Variants in PREX1 observed in about 807,000 individuals in gnomAD.
PREX1 encodes phosphatidylinositol-3,4,5-trisphosphate dependent Rac exchange factor 1.
A neutral mutation model predicts 198.3 loss-of-function variants in PREX1; 41 were observed. The ratio of observed to expected loss-of-function variants is 0.21; its 90% confidence interval spans 0.16 to 0.27. The LOEUF is 0.27. Ranked by LOEUF, PREX1 falls within the 10% of genes least tolerant of loss-of-function variation. The pLI is 1.00. For synonymous variants in PREX1, 843 were observed against 887.2 expected, an observed-to-expected ratio of 0.95 and a Z score of 0.89; for missense variants, 1,620 against 2,200.7, an observed-to-expected ratio of 0.74 and a Z score of 5.28.
At chr20:48,752,501 A>G (rs527703802) in intron 1 of PREX1, among the ~76,000 whole-genome samples, 1 of 152,300 alleles carries the variant, frequency 6.6e-6, no homozygotes, top group South Asian at 2.1e-4. Flanking sequence ...CCCCGCTCTC[A>G]TGTGCAGGGC....
At chr20:48,874,131 A>G in the PREX1 span, among the ~76,000 whole-genome samples, 21 of 152,324 alleles carry the variant, frequency 1.4e-4, no homozygotes, top group African/African-American at 4.8e-4. Flanking sequence ...TAATTATTAT[A>G]TGGACTCTAC....
rs542758803 is a variant in PREX1, at chr20:48,625,707, C to T, written c.*178G>A. 2.7e-6 allele frequency: 2 copies of T among 737,870 alleles called. No homozygotes were observed. The highest frequency in any genetic ancestry group is 6.6e-5 in the East Asian group (2 of 30,134). 45.7% of individuals were successfully genotyped at this position (737,870 alleles called of 1,614,324 possible). A position where few individuals can be genotyped will look rare whatever the true frequency, so the allele number is the denominator to read the frequency against. On this transcript the variant is annotated 3_prime_UTR_variant, in exon 40 of 40. Transcript: ENST00000371941. ...GCCCAGGGCCAATCAGCCAGCTCGT[C>T]ATCACAGCGAGGGTGGCCAGGCTTG...
chr20:48,672,045 C>A (rs1030299293), intron 14 of PREX1, among the ~76,000 whole-genome samples: 1 of 152,230 alleles, frequency 6.6e-6, no homozygotes, highest in African/African-American at 2.4e-5. Flanking sequence ...CTGGCCGAGC[C>A]CACAACTCCT....
chr20:48,735,228 C>A (rs2090051691), intron 3 of PREX1, among the ~76,000 whole-genome samples: 1 of 152,170 alleles, frequency 6.6e-6, no homozygotes, highest in South Asian at 2.1e-4. Flanking sequence ...AGATGGTTCA[C>A]AGAACCCGCC....
At chr20:48,764,797 AG>A (rs67935919) in intron 1 of PREX1, among the ~76,000 whole-genome samples, 29,099 of 137,912 alleles carry the variant, frequency 0.21, 3,709 homozygotes, top group Non-Finnish European at 0.29. Context: ...AAAAAAAAAA[AG>A]AAAGAAAGAA....
chr20:48,661,029 G>A (rs1264611998), intron 15 of PREX1, among the ~76,000 whole-genome samples: 1 of 152,138 alleles, frequency 6.6e-6, no homozygotes, highest in Non-Finnish European at 1.5e-5. Flanking sequence ...ATTATCTGTG[G>A]CTGCTTTTGA....
the PREX1 span, among the ~76,000 whole-genome samples, chr20:48,858,469 G>C: frequency 6.6e-6 from 1 of 152,216 alleles, no homozygotes; most frequent in Non-Finnish European, 1.5e-5. Flanking sequence ...GCAGAAATTG[G>C]GGATGGGGAA....
chr20:48,635,805 T>C (rs1416573553), intron 32 of PREX1, among the ~76,000 whole-genome samples: 1 of 152,112 alleles, frequency 6.6e-6, no homozygotes, highest in Non-Finnish European at 1.5e-5. Flanking sequence ...TGGCACATCG[T>C]GGTGTTTGGA....
rs1601045672 is a variant in PREX1, at chr20:48,651,667, C to T, written c.2468-84G>A. On this transcript the variant is annotated intron_variant, in intron 21 of 39. Transcript: ENST00000371941. The stretch of plus-strand genomic sequence containing the variant: ...CGAGGAGGATTCTGGAGGAAGCCTT[C>T]CAGGCAGTGGGAACAGCAAGTGCAA... The T allele has an allele frequency of 3.6e-6, 5 of 1,384,146 alleles. No homozygotes were observed. In the East Asian group the frequency reaches 1.2e-4, roughly 33 times the overall value. The allele number at this position is 1,384,146 out of a possible 1,614,324, so 85.7% of individuals were successfully genotyped here.
the PREX1 span, among the ~76,000 whole-genome samples, chr20:48,851,395 T>A: frequency 2.6e-5 from 4 of 152,050 alleles, no homozygotes; most frequent in African/African-American, 9.7e-5. Flanking sequence ...TAATCCCAGC[T>A]ATGTGGGAGG....
chr20:48,627,654 T>A (rs964244199), intron 38 of PREX1, 39 bp from the exon 39 acceptor site: 1 of 1,586,646 alleles, frequency 6.3e-7, no homozygotes, highest in African/African-American at 1.4e-5. Context: ...CTCTGCAGGT[T>A]CAGGGCACGT....
In PREX1 at chr20:48,692,856, C is replaced by T. The variant is rs565419431; in HGVS notation, c.918-66G>A. ...TCCCAGATGCAACTGTTTTCAACAG[C>T]GCAAAGGGGAACACAACACTGAGGG... On this transcript the variant is annotated intron_variant, in intron 7 of 39. Coordinates refer to ENST00000371941, the MANE Select transcript of PREX1 (RefSeq NM_020820.4). The T allele has an allele frequency of 2.9e-5, 39 of 1,345,892 alleles. No individual in the cohort carries two copies. The African/African-American group carries it at 4.0e-4, about 14-fold the overall frequency. 83.4% of individuals were successfully genotyped at this position (1,345,892 alleles called of 1,614,324 possible).
At chr20:48,832,068 G>A (rs1046167177), upstream of PREX1, among the ~76,000 whole-genome samples, 1 of 151,584 alleles carries the variant, frequency 6.6e-6, no homozygotes, top group East Asian at 1.9e-4. Flanking sequence ...GCCTGAAACA[G>A]CCGGCAGCTG....
At chr20:48,755,997 C>G (rs2090154542) in intron 1 of PREX1, among the ~76,000 whole-genome samples, 1 of 152,210 alleles carries the variant, frequency 6.6e-6, no homozygotes, top group African/African-American at 2.4e-5. Flanking sequence ...TCATCAGGAC[C>G]CCTGGCTTCT....
At chr20:48,877,099 CT>C in the PREX1 span, among the ~76,000 whole-genome samples, 2 of 151,876 alleles carry the variant, frequency 1.3e-5, no homozygotes, top group Admixed American at 1.3e-4. Context: ...GTGAAACCCC[CT>C]CTCTACTAAA....
the PREX1 span, among the ~76,000 whole-genome samples, chr20:48,879,381 T>C: frequency 6.6e-6 from 1 of 152,142 alleles, no homozygotes; most frequent in African/African-American, 2.4e-5. Context: ...GTAGTTATAC[T>C]GGTTATTTAA....
At chr20:48,690,693 T>A (rs2089814268) in intron 9 of PREX1, among the ~76,000 whole-genome samples, 6 of 152,166 alleles carry the variant, frequency 3.9e-5, no homozygotes, top group Admixed American at 3.9e-4. Flanking sequence ...TGAGTCCTAA[T>A]GCTTAAGGGT....
the PREX1 span, among the ~76,000 whole-genome samples, chr20:48,867,100 A>G: frequency 6.6e-6 from 1 of 152,200 alleles, no homozygotes; most frequent in Non-Finnish European, 1.5e-5. Flanking sequence ...CAGCCCACAC[A>G]ACCCCAACAA....
chr20:48,798,517 C>T (rs981676459), intron 1 of PREX1, among the ~76,000 whole-genome samples: 2 of 152,240 alleles, frequency 1.3e-5, no homozygotes, highest in Non-Finnish European at 2.9e-5. Flanking sequence ...TCCCATTACC[C>T]TCCTCAGCCT....
Sources: allele counts gnomAD v4.1 joint callset (sites outside exome capture counted in the v4.1 genomes callset), GRCh38; gene constraint gnomAD v4.1.1; transcripts MANE v1.5; gene names NCBI Gene and HGNC (gene_info 2026-07-23, HGNC 2026-07-21).